Variants in TTC7A observed in about 807,000 individuals in gnomAD.
The protein encoded by TTC7A is tetratricopeptide repeat domain 7A.
A neutral mutation model predicts 103.7 loss-of-function variants in TTC7A; 110 were observed. The ratio of observed to expected loss-of-function variants is 1.06; its 90% CI spans 0.91 to 1.24. The LOEUF is 1.24. Among genes scored for constraint, TTC7A ranks in the 50% most tolerant of loss-of-function variants. TTC7A has a pLI of 0.00. For missense variants in TTC7A, 1,340 were observed against 1,116.3 expected, an observed-to-expected ratio of 1.20 and a Z score of -2.86; for synonymous variants, 521 against 467.9, an observed-to-expected ratio of 1.11 and a Z score of -1.47.
intron 14 of TTC7A, among the ~76,000 whole-genome samples, chr2:47,027,893 A>G (rs1182317367): frequency 3.3e-5 from 5 of 152,196 alleles, no homozygotes; most frequent in Non-Finnish European, 7.3e-5. Flanking sequence ...AAGAGAGTTT[A>G]TGTTGGTAAC....
intron 19 of TTC7A, among the ~76,000 whole-genome samples, chr2:47,063,951 C>T (rs1573077237): frequency 6.6e-6 from 1 of 152,352 alleles, no homozygotes; most frequent in Non-Finnish European, 1.5e-5. Context: ...GAAGACTTTG[C>T]TCTTAGGGGC....
chr2:47,007,566 T>C lies in TTC7A; in HGVS notation c.1287+842T>C, dbSNP rs1480716175. 6.6e-6 allele frequency among the ~76,000 whole-genome samples: 1 copy of C among 152,080 alleles called. No homozygotes were observed. The highest frequency in any genetic ancestry group is 1.5e-5 in the Non-Finnish European group (1 of 67,996). ...CTGGCCCATCTGTGCCACGTTCCAT[T>C]TCTGGCCCCGCAGCCGTCTCTGAGG... On this transcript the variant is annotated intron_variant, in intron 10 of 19. Transcript: ENST00000319190. The surrounding 1 kb of genome is among the most constrained non-coding windows in gnomAD (Gnocchi z 4.9).
At chr2:47,050,406 C>T (rs993117914) in intron 17 of TTC7A, 1 of 223,864 alleles carries the variant, frequency 4.5e-6, no homozygotes, top group African/African-American at 2.2e-5. Flanking sequence ...AAGGAATGGA[C>T]TGAGCTCTTT....
chr2:46,992,147 G>A (rs1365092689), intron 5 of TTC7A, among the ~76,000 whole-genome samples: 1 of 152,214 alleles, frequency 6.6e-6, no homozygotes, highest in Non-Finnish European at 1.5e-5. Context: ...TTTCCCTTGT[G>A]TGGTGTGATC....
intron 3 of TTC7A, among the ~76,000 whole-genome samples, chr2:46,965,011 C>G (rs1376501660): frequency 6.6e-6 from 1 of 152,212 alleles, no homozygotes; most frequent in African/African-American, 2.4e-5. Context: ...TCCTGATGCC[C>G]TGACCGTGGT....
rs150473915 is a variant in TTC7A, at chr2:47,049,858, C to A, written c.1920-91C>A. The A allele has an allele frequency of 9.4e-4, 893 of 945,954 alleles. 3 individuals carry two copies. In the African/African-American group the frequency reaches 0.013, roughly 14 times the overall value. 58.6% of individuals were successfully genotyped at this position (945,954 alleles called of 1,614,324 possible). ...GAGTGAGGCTGTCCCATTCTCCCTG[C>A]CAGTCCTTGTGATGCTGGCCCTCTA... On this transcript the variant is annotated intron_variant, in intron 16 of 19. Coordinates refer to ENST00000319190, the MANE Select transcript of TTC7A (RefSeq NM_020458.4).
intron 19 of TTC7A, 70 bp downstream of exon 19, chr2:47,061,041 C>T: frequency 2.1e-6 from 3 of 1,451,854 alleles, no homozygotes; most frequent in Non-Finnish European, 1.9e-6. Context: ...CGCTTTGTCC[C>T]TCCTTGTCCC....
At chr2:46,941,163 G>C (rs1670311206), upstream of TTC7A, 2 of 147,828 alleles carry the variant, frequency 1.4e-5, no homozygotes, top group Non-Finnish European at 3.0e-5. The surrounding 1 kb of genome is among the most constrained non-coding windows in gnomAD (Gnocchi z 4.2). Context: ...CCCCCGCGGG[G>C]GTGGAGCCGC....
chr2:46,941,686 C>A lies in TTC7A; in HGVS notation c.145C>A (p.Arg49=), dbSNP rs941070225. ...LSMPGGGGNR[R]GSPSAAFTFP... ...CATGCCCGGCGGCGGAGGTAACAGG[C>A]GAGGCAGCCCGAGCGCAGCGTTCAC... is the stretch of plus-strand genomic sequence containing the variant. Residue 49 remains arginine, a synonymous_variant, in exon 1 of 20, where the codon CGA becomes AGA. Coordinates refer to ENST00000319190, the MANE Select transcript of TTC7A (RefSeq NM_020458.4). The surrounding 1 kb of genome is among the most constrained non-coding windows in gnomAD (Gnocchi z 4.2). 6.4e-7 allele frequency: 1 copy of A among 1,551,180 alleles called. No individual in the cohort carries two copies. The highest frequency in any genetic ancestry group is 2.0e-5 in the Admixed American group (1 of 51,108).
intron 15 of TTC7A, among the ~76,000 whole-genome samples, chr2:47,032,901 C>G (rs1019141369): frequency 6.8e-6 from 1 of 146,274 alleles, no homozygotes; most frequent in African/African-American, 2.5e-5. Flanking sequence ...CTCTATATAC[C>G]ATTTATAGAG....
At chr2:47,021,744 G>A (rs928872808) in intron 11 of TTC7A, 118 bp from the exon 12 acceptor site, 1 of 793,408 alleles carries the variant, frequency 1.3e-6, no homozygotes, top group Non-Finnish European at 2.2e-6. Flanking sequence ...CCCTGTGAGA[G>A]TAAGGCCCTG....
chr2:46,970,782 C>A (rs954373572), intron 3 of TTC7A, among the ~76,000 whole-genome samples: 6 of 152,222 alleles, frequency 3.9e-5, no homozygotes, highest in Non-Finnish European at 7.3e-5. Flanking sequence ...TCCTCTTCCC[C>A]CTTTAGTCCT....
intron 16 of TTC7A, among the ~76,000 whole-genome samples, chr2:47,049,354 C>T (rs373341104): frequency 5.9e-5 from 9 of 152,010 alleles, no homozygotes; most frequent in African/African-American, 1.9e-4. Context: ...ACCCCTCCCC[C>T]CCGCCAGCAG....
chr2:46,947,159 G>A (rs115942871), intron 1 of TTC7A, among the ~76,000 whole-genome samples: 1,725 of 152,230 alleles, frequency 0.011, 19 homozygotes, highest in South Asian at 0.03. Flanking sequence ...GCTGTGCATG[G>A]GTTGCAGGAG....
chr2:47,001,745 A>G (rs946271300), intron 8 of TTC7A, among the ~76,000 whole-genome samples: 8 of 151,688 alleles, frequency 5.3e-5, no homozygotes, highest in Non-Finnish European at 1.0e-4. Context: ...TGTAATCCCA[A>G]CTACTTGGGA....
intron 2 of TTC7A, among the ~76,000 whole-genome samples, chr2:46,918,575 AAC>A (rs1340820200): frequency 6.6e-6 from 1 of 152,238 alleles, no homozygotes; most frequent in Non-Finnish European, 1.5e-5. Context: ...GGATGCTAAA[AAC>A]AAGACACTAA....
intron 11 of TTC7A, among the ~76,000 whole-genome samples, chr2:47,014,985 G>A (rs1259751451): frequency 6.6e-6 from 1 of 152,276 alleles, no homozygotes; most frequent in Non-Finnish European, 1.5e-5. Context: ...AGAGGGACGT[G>A]CATGGTCACG....
At chr2:46,944,439 G>A (rs981128804) in intron 1 of TTC7A, among the ~76,000 whole-genome samples, 2 of 142,200 alleles carry the variant, frequency 1.4e-5, no homozygotes, top group Admixed American at 1.5e-4. Context: ...GAGTTCAGTG[G>A]TATAATTATA....
intron 8 of TTC7A, chr2:47,000,030 C>A: frequency 2.6e-6 from 1 of 381,222 alleles, no homozygotes; most frequent in Non-Finnish European, 3.6e-6. Flanking sequence ...CACCCTGAGC[C>A]TCGGTTTTCT....
Sources: gnomAD v4.1 joint callset for allele counts (sites outside exome capture counted in the v4.1 genomes callset) on GRCh38, gnomAD v4.1.1 for gene constraint, Gnocchi (gnomAD v3.1) non-coding constraint, MANE v1.5 for transcripts, NCBI Gene and HGNC (gene_info 2026-07-23, HGNC 2026-07-21) for gene names.